Variants in TMCC1 observed in about 807,000 individuals in gnomAD.
The protein encoded by TMCC1 is transmembrane and coiled-coil domains protein 1.
A neutral mutation model predicts 52.4 loss-of-function variants in TMCC1; 15 were observed. The ratio of observed to expected loss-of-function variants is 0.29; its 90% confidence interval spans 0.19 to 0.44. The LOEUF (loss-of-function observed/expected upper bound fraction) is 0.44. Ranked by LOEUF, TMCC1 falls within the 20% of genes least tolerant of loss-of-function variation. The pLI is 1.00. For missense variants in TMCC1, 503 were observed against 806.0 expected (o/e 0.62, Z 4.55); for synonymous variants, 279 against 301.9 (o/e 0.92, Z 0.79).
chr3:129,792,891 T>C (rs539757858), intron 4 of TMCC1, among the ~76,000 whole-genome samples: 3 of 152,324 alleles, frequency 2.0e-5, no homozygotes, highest in African/African-American at 4.8e-5. Context: ...AAATCAGTCA[T>C]ATACATAGTA....
chr3:129,684,347 G>A (rs1432166130), intron 4 of TMCC1, among the ~76,000 whole-genome samples: 1 of 152,190 alleles, frequency 6.6e-6, no homozygotes, highest in East Asian at 1.9e-4. Flanking sequence ...TTACTTAAAT[G>A]GTAAGGATCC....
chr3:129,824,756 C>T (rs1043320135), intron 4 of TMCC1, among the ~76,000 whole-genome samples: 1 of 152,144 alleles, frequency 6.6e-6, no homozygotes, highest in Admixed American at 6.6e-5. Flanking sequence ...GCCTATAAGA[C>T]ATTCTCTTCA....
intron 2 of TMCC1, among the ~76,000 whole-genome samples, chr3:129,850,817 C>G (rs1427912128): frequency 6.6e-6 from 1 of 152,184 alleles, no homozygotes; most frequent in East Asian, 1.9e-4. Context: ...AAAAGTATCC[C>G]TTATGGGAAA....
rs1230928847 is a variant in TMCC1 at position 129,650,573 on chromosome 3, C to CT, written c.*907dup. On this transcript the variant is annotated 3_prime_UTR_variant, in exon 7 of 7. Transcript: ENST00000393238. The stretch of plus-strand genomic sequence containing the variant: ...ATTTCTTCATTTAAAAACATCACTT[C>CT]TTTATTTCAAAGGAAAAATAAAAGA... 1 of 152,528 alleles carries CT rather than the reference C, an allele frequency of 6.6e-6. No homozygotes were observed. The highest frequency in any genetic ancestry group is 1.9e-4 in the East Asian group (1 of 5,202). 9.4% of individuals were successfully genotyped at this position (152,528 alleles called of 1,614,324 possible).
chr3:129,809,532 T>C (rs1286200745), intron 4 of TMCC1, among the ~76,000 whole-genome samples: 1 of 152,138 alleles, frequency 6.6e-6, no homozygotes, highest in African/African-American at 2.4e-5. Flanking sequence ...TTTGTCAGGA[T>C]GCATTTCAGA....
At chr3:129,875,516 A>C (rs13081860) in intron 2 of TMCC1, among the ~76,000 whole-genome samples, 3 of 148,598 alleles carry the variant, frequency 2.0e-5, no homozygotes, top group Non-Finnish European at 3.0e-5. Flanking sequence ...AAAAAAAAAA[A>C]CAACACAAAC....
chr3:129,879,565 A>T (rs894008437), intron 2 of TMCC1, among the ~76,000 whole-genome samples: 1 of 152,242 alleles, frequency 6.6e-6, no homozygotes, highest in Non-Finnish European at 1.5e-5. Context: ...AAATTTTCTT[A>T]TCTGATTCTC....
At position 129,689,606 on chromosome 3, in the gene TMCC1, A is replaced by C. The variant is rs545704182; in HGVS notation, c.577-18342T>G. On this transcript the variant is annotated intron_variant, in intron 4 of 6. Transcript: ENST00000393238. ...GTGATAATTTCTTTACTTCTAGTTA[A>C]GTATGGGTCTGGAAGCTCAGGCCAG... Among the ~76,000 whole-genome samples the C allele has an allele frequency of 6.3e-4, 96 of 152,294 alleles. 1 individual carries two copies. Among genetic ancestry groups the C allele is most frequent in the Middle Eastern group, 6.8e-3 (2 of 294 alleles).
At chr3:129,758,549 G>A (rs1291050595) in intron 4 of TMCC1, among the ~76,000 whole-genome samples, 2 of 152,154 alleles carry the variant, frequency 1.3e-5, no homozygotes, top group African/African-American at 4.8e-5. Flanking sequence ...GCTGATTGTA[G>A]GGCTGGGGCA....
chr3:129,804,040 G>A (rs551850556), intron 4 of TMCC1, among the ~76,000 whole-genome samples: 6 of 152,060 alleles, frequency 3.9e-5, no homozygotes, highest in South Asian at 4.2e-4. Flanking sequence ...CTTAGTCAGA[G>A]AAACAAACAA....
chr3:129,836,079 TATTA>T (rs1388906666), intron 2 of TMCC1, among the ~76,000 whole-genome samples: 1 of 152,204 alleles, frequency 6.6e-6, no homozygotes, highest in East Asian at 1.9e-4. Context: ...GCTCTAGCTG[TATTA>T]ATTGTATTCA....
At chr3:129,769,846 G>A (rs1298699204) in intron 4 of TMCC1, among the ~76,000 whole-genome samples, 2 of 152,100 alleles carry the variant, frequency 1.3e-5, no homozygotes, top group Non-Finnish European at 2.9e-5. Flanking sequence ...AGAGCGAAAC[G>A]GCAAAAGTAC....
intron 2 of TMCC1, among the ~76,000 whole-genome samples, chr3:129,834,128 T>C (rs1046015699): frequency 6.6e-5 from 10 of 152,180 alleles, no homozygotes; most frequent in African/African-American, 2.2e-4. Context: ...TTGGATTTGT[T>C]TGGGAAAGCC....
intron 3 of TMCC1, among the ~76,000 whole-genome samples, chr3:129,830,383 A>AT (rs1338205452): frequency 4.6e-5 from 7 of 152,182 alleles, no homozygotes; most frequent in African/African-American, 1.7e-4. Flanking sequence ...TGTTACTCTG[A>AT]TTTTTAAAAA....
In TMCC1 at chr3:129,649,259, G is replaced by A. The variant is rs913443491; in HGVS notation, c.*2222C>T. ...GGGGCTCTCTACTCTGAGCAATTAC[G>A]CTAAAGCAGAAAGTTAGGAGAAACT... On this transcript the variant is annotated 3_prime_UTR_variant, in exon 7 of 7. Coordinates refer to ENST00000393238, the MANE Select transcript of TMCC1 (RefSeq NM_001017395.5). The A allele has an allele frequency of 6.6e-5, 10 of 152,138 alleles. No homozygotes were observed. The highest frequency in any genetic ancestry group is 1.3e-4 in the Non-Finnish European group (9 of 68,022). The allele number at this position is 152,138 out of a possible 1,614,324, so 9.4% of individuals were successfully genotyped here.
intron 1 of TMCC1, chr3:129,893,044 G>A (rs1269677068): frequency 6.6e-6 from 1 of 152,350 alleles, no homozygotes; most frequent in Non-Finnish European, 1.5e-5. Flanking sequence ...GTTTCAGGTG[G>A]AAATGGCTGA....
chr3:129,688,255 T>C (rs2089550617), intron 4 of TMCC1: 5 of 984,768 alleles, frequency 5.1e-6, no homozygotes, highest in African/African-American at 1.7e-5. Flanking sequence ...CAGAGAAAGC[T>C]TGGATGGTAA....
At chr3:129,858,649 G>C (rs2060249788) in intron 2 of TMCC1, among the ~76,000 whole-genome samples, 1 of 152,118 alleles carries the variant, frequency 6.6e-6, no homozygotes, top group African/African-American at 2.4e-5. Flanking sequence ...TGGAATTACA[G>C]GCATGAGCCA....
At chr3:129,742,009 CT>C (rs1271561959) in intron 4 of TMCC1, among the ~76,000 whole-genome samples, 1 of 152,062 alleles carries the variant, frequency 6.6e-6, no homozygotes, top group Admixed American at 6.5e-5. Flanking sequence ...GAATCATTTC[CT>C]CTGTCAAGAT....
Sources: allele counts gnomAD v4.1 joint callset (sites outside exome capture counted in the v4.1 genomes callset), GRCh38; gene constraint gnomAD v4.1.1; transcripts MANE v1.5; gene names NCBI Gene and HGNC (gene_info 2026-07-23, HGNC 2026-07-21).